The following DNM1 variants were observed in gnomAD, a reference collection of about 807,000 sequenced individuals.
DNM1 encodes the protein dynamin 1.
A neutral mutation model predicts 104.6 loss-of-function variants in DNM1; 29 were observed. The ratio of observed to expected loss-of-function variants is 0.28; its 90% CI spans 0.21 to 0.38. The LOEUF (loss-of-function observed/expected upper bound fraction) is 0.38, where lower values mean the gene tolerates loss of function less well. Among genes scored for constraint, DNM1 ranks in the 10% least tolerant of loss-of-function variants. The pLI is 1.00. For synonymous variants in DNM1, 445 were observed against 475.8 expected, an observed-to-expected ratio of 0.94 and a Z score of 0.84; for missense variants, 640 against 1,189.4, an observed-to-expected ratio of 0.54 and a Z score of 6.79.
chr9:128,207,660 C>T (rs1834049048), intron 1 of DNM1, among the ~76,000 whole-genome samples: 1 of 152,156 alleles, frequency 6.6e-6, no homozygotes, highest in African/African-American at 2.4e-5. Context: ...TGGGCATGTT[C>T]CCCAAACCCT....
chr9:128,217,696 C>T (rs1192917534), intron 1 of DNM1, among the ~76,000 whole-genome samples: 1 of 152,166 alleles, frequency 6.6e-6, no homozygotes, highest in South Asian at 2.1e-4. Flanking sequence ...GGATTACAGG[C>T]GTGAGCCACC....
rs752901780 is a variant in DNM1 at position 128,248,006 on chromosome 9, G to C, written c.1905+71G>C. Reference sequence around the variant, plus strand: ...GCACCAGCTCCAGCCAGGTTTTCAAGCAAGGGACCTGGAGATGTTCTTTTC... The same window carrying C: ...GCACCAGCTCCAGCCAGGTTTTCAACCAAGGGACCTGGAGATGTTCTTTTC... On this transcript the variant is annotated intron_variant, in intron 18 of 21. Coordinates refer to ENST00000372923, the MANE Select transcript of DNM1 (RefSeq NM_004408.4). The surrounding 1 kb of genome is among the most constrained non-coding windows in gnomAD (Gnocchi z 5.6). The C allele has an allele frequency of 6.9e-6, 11 of 1,594,260 alleles. No individual in the cohort carries two copies. The highest frequency in any genetic ancestry group is 9.5e-6 in the Non-Finnish European group (11 of 1,162,104).
At position 128,254,561 on chromosome 9, in the gene DNM1, GCGGCCGGCCC is replaced by G. The variant is rs1829734211; in HGVS notation, c.2535-86_2535-77del. On this transcript the variant is annotated intron_variant, in intron 21 of 21. Transcript: ENST00000372923. This position sits in a 1 kb window ranked among gnomAD's most constrained non-coding sequence, Gnocchi z 6.1. ...CCGGCCCTCCCACCACTGCTGCGGC[GCGGCCGGCCC>G]CGGCCGTGTGCTGCGCTTGCCTTAC... 24 of 1,566,754 alleles carry G rather than the reference GCGGCCGGCCC, an allele frequency of 1.5e-5. No homozygotes were observed. Among genetic ancestry groups the G allele is most frequent in the East Asian group, 7.0e-5 (3 of 42,692 alleles).
chr9:128,232,712 G>A (rs1835772692), intron 10 of DNM1: 1 of 152,472 alleles, frequency 6.6e-6, no homozygotes, highest in South Asian at 2.1e-4. Flanking sequence ...TGGGCCCCAG[G>A]TGGCCACCGC....
intron 4 of DNM1, among the ~76,000 whole-genome samples, 187 bp downstream of exon 4, chr9:128,219,439 C>A (rs1045037892): frequency 2.0e-5 from 3 of 147,446 alleles, no homozygotes; most frequent in Admixed American, 2.0e-4. Flanking sequence ...GAGGCCAAGC[C>A]GGGAGGATTG....
rs1564315253 is a variant in DNM1 at position 128,203,655 on chromosome 9, G to T, written c.161+24G>T. ...AGGTAGGCGCGGCGCGCCCCCAGGC[G>T]CCGACCCCCGACCCCCGGGATCCCT... is the stretch of plus-strand genomic sequence containing the variant. On this transcript the variant is annotated intron_variant, in intron 1 of 21. Coordinates refer to ENST00000372923, the MANE Select transcript of DNM1 (RefSeq NM_004408.4). The surrounding 1 kb of genome is among the most constrained non-coding windows in gnomAD (Gnocchi z 5.3). 4.0e-6 allele frequency: 6 copies of T among 1,495,292 alleles called. No homozygotes were observed. Among genetic ancestry groups the T allele is most frequent in the East Asian group, 2.8e-5 (1 of 35,418 alleles). 92.6% of individuals were successfully genotyped at this position (1,495,292 alleles called of 1,614,324 possible).
At chr9:128,213,412 A>G (rs1834424808) in intron 1 of DNM1, among the ~76,000 whole-genome samples, 1 of 142,426 alleles carries the variant, frequency 7.0e-6, no homozygotes, top group African/African-American at 2.5e-5. Flanking sequence ...TGGAGAACAC[A>G]TGATTTTAAA....
chr9:128,241,186 C>T (rs1332551914), intron 14 of DNM1: 8 of 152,274 alleles, frequency 5.3e-5, no homozygotes, highest in Non-Finnish European at 2.9e-5. Flanking sequence ...AGGGCTTTGC[C>T]GCCAGCCCCA....
chr9:128,254,548 C>A lies in DNM1; in HGVS notation c.2535-106C>A. ...CAGCCTCCCCTCCCCGGCCCTCCCACCACTGCTGCGGCGCGGCCGGCCCCG... is the reference window on the plus strand; with the variant it reads ...CAGCCTCCCCTCCCCGGCCCTCCCAACACTGCTGCGGCGCGGCCGGCCCCG... On this transcript the variant is annotated intron_variant, in intron 21 of 21. Coordinates refer to ENST00000372923, the MANE Select transcript of DNM1 (RefSeq NM_004408.4). The surrounding 1 kb of genome is among the most constrained non-coding windows in gnomAD (Gnocchi z 6.1). 1 of 1,570,266 alleles carries A rather than the reference C, an allele frequency of 6.4e-7. No homozygotes were observed.
At chr9:128,231,030 T>A (rs1835652952) in intron 10 of DNM1, among the ~76,000 whole-genome samples, 1 of 151,938 alleles carries the variant, frequency 6.6e-6, no homozygotes, top group South Asian at 2.1e-4. Context: ...CTCAAACTCC[T>A]GACCTCAAGT....
intron 4 of DNM1, 90 bp from the exon 5 acceptor site, chr9:128,219,898 G>T: frequency 9.6e-7 from 1 of 1,037,316 alleles, no homozygotes; most frequent in East Asian, 2.6e-5. Context: ...GCAGGGGGCC[G>T]AGGAGAGCAG....
In DNM1 at chr9:128,254,708, C is replaced by T. The variant is rs1829749815; in HGVS notation, c.2589C>T (p.Asp863=). The change falls in exon 22 of 22, where the codon GAC becomes GAT. Residue 863 remains aspartate, a synonymous_variant. Coordinates refer to ENST00000372923, the MANE Select transcript of DNM1 (RefSeq NM_004408.4). The surrounding 1 kb of genome is among the most constrained non-coding windows in gnomAD (Gnocchi z 6.1). ...CTGAGAGCCCCAGGCCCCCCTTCGA[C>T]CTCTAAACAGATCCCTCCTCTTCTC... ...SRPESPRPPF[D]L 61 of 1,596,230 alleles carry T rather than the reference C, an allele frequency of 3.8e-5. No individual in the cohort carries two copies. Among genetic ancestry groups the T allele is most frequent in the Non-Finnish European group, 5.1e-5 (60 of 1,179,638 alleles).
chr9:128,214,667 T>A (rs2131130726), intron 1 of DNM1, among the ~76,000 whole-genome samples: 1 of 152,146 alleles, frequency 6.6e-6, no homozygotes, highest in Admixed American at 6.5e-5. Context: ...TCCTGAGAGG[T>A]GTTTGTTTCG....
rs1219180872 is a variant in DNM1 at position 128,218,842 on chromosome 9, A to G, written c.385+111A>G. 8.5e-6 allele frequency: 12 copies of G among 1,404,966 alleles called. No individual in the cohort carries two copies. The highest frequency in any genetic ancestry group is 1.1e-5 in the Non-Finnish European group (12 of 1,053,060). The allele number at this position is 1,404,966 out of a possible 1,614,324, so 87.0% of individuals were successfully genotyped here. A position where few individuals can be genotyped will look rare whatever the true frequency, so the allele number is the denominator to read the frequency against. ...GCCCCTAGAATGACCCTGCCTCTGC[A>G]TCATCCTATTCCAAGCTCCACCCTG... On this transcript the variant is annotated intron_variant, in intron 3 of 21. Coordinates refer to ENST00000372923, the MANE Select transcript of DNM1 (RefSeq NM_004408.4). The surrounding 1 kb of genome is among the most constrained non-coding windows in gnomAD (Gnocchi z 4.8).
chr9:128,254,933 C>T lies in DNM1; in HGVS notation c.*219C>T, dbSNP rs1217049830. 7.5e-6 allele frequency: 4 copies of T among 532,482 alleles called. No individual in the cohort carries two copies. Among genetic ancestry groups the T allele is most frequent in the Middle Eastern group, 4.9e-4 (1 of 2,050 alleles). 33.0% of individuals were successfully genotyped at this position (532,482 alleles called of 1,614,324 possible). ...CCTGTTCTATAAATATCTATAAATA[C>T]TCATATATATACACACCTACACATG... is the stretch of plus-strand genomic sequence containing the variant. On this transcript the variant is annotated 3_prime_UTR_variant, in exon 22 of 22. Coordinates refer to ENST00000372923, the MANE Select transcript of DNM1 (RefSeq NM_004408.4). The surrounding 1 kb of genome is among the most constrained non-coding windows in gnomAD (Gnocchi z 6.1).
intron 10 of DNM1, among the ~76,000 whole-genome samples, chr9:128,228,334 C>T (rs1350395258): frequency 6.6e-6 from 1 of 151,948 alleles, no homozygotes; most frequent in Non-Finnish European, 1.5e-5. Flanking sequence ...TGAGCCACCC[C>T]TCCTGGCCTA....
intron 11 of DNM1, among the ~76,000 whole-genome samples, chr9:128,238,906 C>T (rs929264442): frequency 1.6e-4 from 24 of 152,106 alleles, no homozygotes; most frequent in African/African-American, 4.1e-4. Context: ...CCACCCACCT[C>T]GGCCTCCCAA....
Position 128,203,662 on chromosome 9 carries a change from C to T in DNM1, c.161+31C>T, listed in dbSNP as rs1300482394. 1 of 1,489,298 alleles carries T rather than the reference C, an allele frequency of 6.7e-7. No homozygotes were observed. Among genetic ancestry groups the T allele is most frequent in the Admixed American group, 2.3e-5 (1 of 43,618 alleles). 92.3% of individuals were successfully genotyped at this position (1,489,298 alleles called of 1,614,324 possible). ...CGCGGCGCGCCCCCAGGCGCCGACC[C>T]CCGACCCCCGGGATCCCTGGAGTCC... On this transcript the variant is annotated intron_variant, in intron 1 of 21. Transcript: ENST00000372923. The surrounding 1 kb of genome is among the most constrained non-coding windows in gnomAD (Gnocchi z 5.3).
rs1834778917 is a variant in DNM1 at position 128,218,961 on chromosome 9, A to C, written c.386-88A>C. On this transcript the variant is annotated intron_variant, in intron 3 of 21. Coordinates refer to ENST00000372923, the MANE Select transcript of DNM1 (RefSeq NM_004408.4). The surrounding 1 kb of genome is among the most constrained non-coding windows in gnomAD (Gnocchi z 4.8). ...CCACCCACCTGCCACCCTGCTCCCA[A>C]GCAGCTTCTCTAACCCCGCCCTATT... 6.7e-7 allele frequency: 1 copy of C among 1,486,788 alleles called. No homozygotes were observed. The highest frequency in any genetic ancestry group is 1.2e-5 in the South Asian group (1 of 85,114). The allele number at this position is 1,486,788 out of a possible 1,614,324, so 92.1% of individuals were successfully genotyped here.
Sources: gnomAD v4.1 joint callset for allele counts (sites outside exome capture counted in the v4.1 genomes callset) on GRCh38, gnomAD v4.1.1 for gene constraint, Gnocchi (gnomAD v3.1) non-coding constraint, MANE v1.5 for transcripts, NCBI Gene and HGNC (gene_info 2026-07-23, HGNC 2026-07-21) for gene names.